MTM1: variants seen among roughly 807,000 people sequenced by gnomAD.
MTM1 encodes myotubularin.
In MTM1, 9 loss-of-function variants were observed where a neutral mutation model predicts 52.1. The observed-to-expected ratio is 0.17, with a 90% CI of 0.10 to 0.30. MTM1 has a LOEUF of 0.30. MTM1 is among the 10% of genes least tolerant of loss of function. MTM1 has a pLI of 1.00. For missense variants in MTM1, 277 were observed against 470.7 expected (o/e 0.59, Z 3.81); for synonymous variants, 136 against 163.8 (o/e 0.83, Z 1.29).
chrX:150,646,706 A>G (rs1557413988), intron 9 of MTM1, among the ~76,000 whole-genome samples: 1 of 112,992 alleles, frequency 8.9e-6, no homozygotes, highest in East Asian at 2.7e-4. Context: ...CCTCTGCTGT[A>G]AGCTTAAATT....
At chrX:150,573,490 GC>G (rs782592257) in intron 1 of MTM1, among the ~76,000 whole-genome samples, 2 of 112,671 alleles carry the variant, frequency 1.8e-5, no homozygotes, top group Non-Finnish European at 3.7e-5. Context: ...ACACAGCAAT[GC>G]CCTTTCTTTA....
At chrX:150,574,301 C>A (rs1894422) in intron 1 of MTM1, among the ~76,000 whole-genome samples, 2 of 110,572 alleles carry the variant, frequency 1.8e-5, no homozygotes, top group Non-Finnish European at 1.9e-5. Context: ...GGGGATTGCC[C>A]TTGCTCCCCG....
At chrX:150,633,494 C>G (rs2039703402) in intron 6 of MTM1, among the ~76,000 whole-genome samples, 1 of 112,034 alleles carries the variant, frequency 8.9e-6, no homozygotes, top group South Asian at 3.7e-4. Context: ...TCAGTACGTC[C>G]TATGGTTCTT....
intron 11 of MTM1, among the ~76,000 whole-genome samples, chrX:150,659,453 T>C (rs2040182796): frequency 8.9e-6 from 1 of 111,994 alleles, no homozygotes; most frequent in Admixed American, 9.5e-5. Flanking sequence ...GCAATTTTTA[T>C]TGGTATTTTA....
In MTM1 at chrX:150,659,551, A is replaced by G. The variant is rs977768604; in HGVS notation, c.1261-113A>G. On this transcript the variant is annotated intron_variant, in intron 11 of 14. Coordinates refer to ENST00000370396, the MANE Select transcript of MTM1 (RefSeq NM_000252.3). ...AGTATATATTATTTCCTCTCTGAGA[A>G]ACTTGGCATTTAGAAGGCACATTGC... The G allele has an allele frequency of 9.2e-5, 53 of 576,753 alleles. No homozygotes were observed. In the African/African-American group the frequency reaches 1.1e-3, roughly 12 times the overall value. The allele number at this position is 576,753 out of a possible 1,213,427, so 47.5% of individuals were successfully genotyped here.
intron 12 of MTM1, 134 bp from the exon 13 acceptor site, chrX:150,660,237 C>G: frequency 2.1e-6 from 1 of 483,590 alleles, no homozygotes; most frequent in Non-Finnish European, 3.6e-6. Flanking sequence ...AGTGTGTGTG[C>G]AGATTACAGC....
intron 6 of MTM1, among the ~76,000 whole-genome samples, 156 bp from the exon 7 acceptor site, chrX:150,638,787 G>A (rs1443920819): frequency 1.8e-5 from 2 of 109,384 alleles, no homozygotes; most frequent in East Asian, 5.7e-4. Flanking sequence ...GTTTTCCACT[G>A]TTTTTTTTTG....
Position 150,645,623 on chromosome X carries a change from T to G in MTM1, c.679-60T>G, listed in dbSNP as rs182973800. On this transcript the variant is annotated intron_variant, in intron 8 of 14. Coordinates refer to ENST00000370396, the MANE Select transcript of MTM1 (RefSeq NM_000252.3). ...GTCAGTGCTTTACTGTTTTACAGTT[T>G]TAATTGTTTGCTTGGAGATTTGCTT... 17 of 1,066,450 alleles carry G rather than the reference T, an allele frequency of 1.6e-5. No individual in the cohort carries two copies. The East Asian group carries it at 2.7e-4, about 17-fold the overall frequency. The allele number at this position is 1,066,450 out of a possible 1,213,427, so 87.9% of individuals were successfully genotyped here.
intron 10 of MTM1, among the ~76,000 whole-genome samples, chrX:150,652,368 A>G (rs2040035236): frequency 9.3e-6 from 1 of 107,897 alleles, no homozygotes; most frequent in Admixed American, 1.0e-4. Flanking sequence ...ACTCAGACAA[A>G]CAAACAAAAA....
chrX:150,586,607 G>A (rs1260000633), intron 1 of MTM1, among the ~76,000 whole-genome samples: 2 of 110,928 alleles, frequency 1.8e-5, no homozygotes, highest in Admixed American at 1.9e-4. Context: ...ACCAGTTTGG[G>A]GAATGACTTA....
intron 1 of MTM1, among the ~76,000 whole-genome samples, chrX:150,572,455 C>T (rs147337723): frequency 3.6e-5 from 4 of 112,088 alleles, no homozygotes; most frequent in African/African-American, 1.3e-4. Context: ...CCTCAATCTC[C>T]CTCTTCTGTC....
chrX:150,609,924 T>C (rs1364205596), intron 4 of MTM1, among the ~76,000 whole-genome samples: 1 of 111,789 alleles, frequency 8.9e-6, no homozygotes, highest in Non-Finnish European at 1.9e-5. Flanking sequence ...GGCATTCCTG[T>C]TCTCCAGAAG....
chrX:150,630,560 A>G (rs1014663545), intron 6 of MTM1, among the ~76,000 whole-genome samples: 1 of 111,639 alleles, frequency 9.0e-6, no homozygotes, highest in Non-Finnish European at 1.9e-5. Flanking sequence ...GCATTTCTCC[A>G]TTCTCTGTAT....
chrX:150,638,709 A>G (rs1171905860), intron 6 of MTM1, among the ~76,000 whole-genome samples: 2 of 110,935 alleles, frequency 1.8e-5, no homozygotes, highest in African/African-American at 6.6e-5. Context: ...AACAATTGAG[A>G]GATTTATAGC....
intron 13 of MTM1, among the ~76,000 whole-genome samples, chrX:150,661,250 C>T (rs2040215358): frequency 9.0e-6 from 1 of 110,968 alleles, no homozygotes; most frequent in Non-Finnish European, 1.9e-5. Flanking sequence ...TCTCGAACTC[C>T]TGAGCTCAAG....
chrX:150,663,526 G>C lies in MTM1; in HGVS notation c.1561G>C (p.Val521Leu). The C allele has an allele frequency of 1.7e-6, 2 of 1,211,585 alleles. No homozygotes were observed. The highest frequency in any genetic ancestry group is 1.1e-6 in the Non-Finnish European group (1 of 895,342). ...CTTCTATACTAAAGAAATCAATCGA[G>C]TTTTATATCCAGTTGCCAGTATGCG... The part of the protein sequence containing the change: ...NPFYTKEINR[V>L]LYPVASMRHL... Residue 521 changes from valine to leucine, a missense_variant, in exon 14 of 15, where the codon GTT becomes CTT. Physicochemically the swap from Val to Leu is conservative, Grantham distance 32. Around this residue, in one of 4 missense-constraint regions of MTM1, gnomAD observed 59 missense variants for 107.8 expected, o/e 0.55. Transcript: ENST00000370396.
chrX:150,594,005 T>A (rs1050223462), intron 2 of MTM1, among the ~76,000 whole-genome samples: 4 of 111,378 alleles, frequency 3.6e-5, no homozygotes, highest in South Asian at 3.8e-4. Flanking sequence ...TAGTTTGCAT[T>A]TCTCTTGTGA....
intron 5 of MTM1, among the ~76,000 whole-genome samples, chrX:150,616,513 A>G (rs782093560): frequency 8.9e-6 from 1 of 111,900 alleles, no homozygotes; most frequent in Non-Finnish European, 1.9e-5. Context: ...AAATTTGGCT[A>G]TGCCAGCAAT....
chrX:150,649,639 T>C, intron 9 of MTM1, 77 bp from the exon 10 acceptor site: 1 of 952,486 alleles, frequency 1.0e-6, no homozygotes, highest in Non-Finnish European at 1.5e-6. Flanking sequence ...GGAGGACAAA[T>C]AACTAGAAAT....
Sources: gnomAD v4.1 joint callset for allele counts (sites outside exome capture counted in the v4.1 genomes callset) on GRCh38, gnomAD v4.1.1 for gene constraint, gnomAD v4.1.1 regional missense constraint, MANE v1.5 for transcripts, NCBI Gene and HGNC (gene_info 2026-07-23, HGNC 2026-07-21) for gene names.